NFATC2IP: variants seen among roughly 807,000 people sequenced by gnomAD.
NFATC2IP encodes the protein NFATC2-interacting protein.
In NFATC2IP, 25 loss-of-function variants were observed where a neutral mutation model predicts 40.2. The observed-to-expected ratio is 0.62, with a 90% CI of 0.45 to 0.87. The LOEUF (loss-of-function observed/expected upper bound fraction) is 0.87. NFATC2IP is among the 40% of genes least tolerant of loss of function. The pLI, the probability that NFATC2IP is intolerant of heterozygous loss-of-function variation, is 0.00. For synonymous variants in NFATC2IP, 241 were observed against 236.3 expected (o/e 1.02, Z -0.18); for missense variants, 553 against 555.6 (o/e 1.00, Z 0.05).
rs777454104 is a variant in NFATC2IP at position 28,952,133 on chromosome 16, T to A, written c.389T>A (p.Val130Asp). 1 of 1,613,934 alleles carries A rather than the reference T, an allele frequency of 6.2e-7. No homozygotes were observed. The highest frequency in any genetic ancestry group is 8.5e-7 in the Non-Finnish European group (1 of 1,179,906). ...APLVPVYSGK[V>D]KSSLRLIPDD... ...CCTCTCCCTTCTTTGTCTTTGCAGGTTAAAAGCAGCCTTCGCCTTATCCCA... is the reference window on the plus strand; with the variant it reads ...CCTCTCCCTTCTTTGTCTTTGCAGGATAAAAGCAGCCTTCGCCTTATCCCA... The change falls in exon 2 of 8, where the codon GTT (valine) becomes GAT (aspartate). Residue 130 changes from valine to aspartate, a missense_variant and splice_region_variant. By Grantham distance (152) the Val-to-Asp change is radical. Transcript: ENST00000320805.
rs766660303 is a variant in NFATC2IP at position 28,956,030 on chromosome 16, A to G, written c.631A>G (p.Thr211Ala). 15 of 1,614,058 alleles carry G rather than the reference A, an allele frequency of 9.3e-6. 1 individual carries two copies. In the South Asian group the frequency reaches 1.6e-4, roughly 18 times the overall value. ...ACCTTCACCAAGGACCAAAAGCAGA[A>G]CGCATACTCGGGCACTCAAGAAGTT... ...SPPSPRTKSRTHTRALKKLSE... is the reference protein window; with the variant it reads ...SPPSPRTKSRAHTRALKKLSE... Residue 211 changes from threonine (T) to alanine (A), a missense_variant, in exon 4 of 8, where the codon ACG (threonine) becomes GCG (alanine). Transcript: ENST00000320805.
chr16:28,965,455 G>A lies in NFATC2IP; in HGVS notation c.*1592G>A, dbSNP rs977105939. 6.6e-6 allele frequency: 1 copy of A among 152,132 alleles called. No homozygotes were observed. The highest frequency in any genetic ancestry group is 1.5e-5 in the Non-Finnish European group (1 of 68,060). The allele number at this position is 152,132 out of a possible 1,614,324, so 9.4% of individuals were successfully genotyped here. A position where few individuals can be genotyped will look rare whatever the true frequency, so the allele number is the denominator to read the frequency against. Reference sequence around the variant, plus strand: ...AAAAAAATTAAAAAGGGGGCTTTGGGAGGCCAAGGCGGGCAGATCATGAGG... The same window carrying A: ...AAAAAAATTAAAAAGGGGGCTTTGGAAGGCCAAGGCGGGCAGATCATGAGG... On this transcript the variant is annotated 3_prime_UTR_variant, in exon 8 of 8. Coordinates refer to ENST00000320805, the MANE Select transcript of NFATC2IP (RefSeq NM_032815.4).
chr16:28,955,391 A>G (rs1194989907), intron 3 of NFATC2IP, among the ~76,000 whole-genome samples: 1 of 152,158 alleles, frequency 6.6e-6, no homozygotes, highest in Non-Finnish European at 1.5e-5. Flanking sequence ...AGCCTGGGCA[A>G]CACTGGACAT....
At chr16:28,958,122 A>G (rs1945921226) in intron 5 of NFATC2IP, among the ~76,000 whole-genome samples, 1 of 150,662 alleles carries the variant, frequency 6.6e-6, no homozygotes, top group African/African-American at 2.5e-5. Flanking sequence ...AGAAAGAAAA[A>G]AAAAAGGTCC....
Position 28,950,974 on chromosome 16 carries a change from G to T in NFATC2IP, c.-38G>T, listed in dbSNP as rs1261570456. The T allele has an allele frequency of 2.8e-6, 4 of 1,449,166 alleles. No individual in the cohort carries two copies. 89.8% of individuals were successfully genotyped at this position (1,449,166 alleles called of 1,614,324 possible). On this transcript the variant is annotated 5_prime_UTR_variant, in exon 1 of 8. Transcript: ENST00000320805. ...GTCGCTGAAGGGGGCGGGGCGAGGC[G>T]AGAGGAGGCGGGCGTGTGTTGTGGA... is the stretch of plus-strand genomic sequence containing the variant.
chr16:28,963,579 TG>T, intron 7 of NFATC2IP, 125 bp from the exon 8 acceptor site: 1 of 769,898 alleles, frequency 1.3e-6, no homozygotes, highest in Non-Finnish European at 2.1e-6. Flanking sequence ...TTTCCCCGCA[TG>T]GGGCCCTGAC....
At chr16:28,951,476 G>A (rs1746061861) in intron 1 of NFATC2IP, 78 bp downstream of exon 1, 2 of 1,331,192 alleles carry the variant, frequency 1.5e-6, no homozygotes, top group Admixed American at 3.6e-5. Context: ...GTTCGGGGAG[G>A]GTAGGGCTAT....
chr16:28,952,362 C>G, intron 2 of NFATC2IP, 158 bp downstream of exon 2: 2 of 1,164,560 alleles, frequency 1.7e-6, no homozygotes, highest in Non-Finnish European at 2.4e-6. Flanking sequence ...GGATTGTTAA[C>G]AAGCATAGAA....
intron 4 of NFATC2IP, 45 bp downstream of exon 4, chr16:28,956,103 G>T (rs368445329): frequency 6.2e-7 from 1 of 1,613,008 alleles, no homozygotes; most frequent in Non-Finnish European, 8.5e-7. Flanking sequence ...AGGGCAATCC[G>T]GGAGGGTGGC....
At chr16:28,960,203 C>T (rs1965070402) in intron 7 of NFATC2IP, among the ~76,000 whole-genome samples, 1 of 152,162 alleles carries the variant, frequency 6.6e-6, no homozygotes, top group Admixed American at 6.5e-5. Flanking sequence ...AGCACAACCT[C>T]ATCTCAACTT....
At position 28,962,960 on chromosome 16, in the gene NFATC2IP, G is replaced by A. The variant is rs545753338; in HGVS notation, c.1102-745G>A. Among the ~76,000 whole-genome samples, 6 of 152,328 alleles carry A rather than the reference G, an allele frequency of 3.9e-5. No homozygotes were observed. The East Asian group carries it at 1.2e-3, about 29-fold the overall frequency. ...GCACTTTGGGAGGCCAAAGTGGGTG[G>A]CTTATCTGAACTCAGGAAGTTTGAG... On this transcript the variant is annotated intron_variant, in intron 7 of 7. Coordinates refer to ENST00000320805, the MANE Select transcript of NFATC2IP (RefSeq NM_032815.4).
Position 28,959,136 on chromosome 16 carries a change from CT to C in NFATC2IP, c.1101+37del, listed in dbSNP as rs781156971. On this transcript the variant is annotated intron_variant, in intron 7 of 7. Transcript: ENST00000320805. ...GAGATGGCTCTCCACGCCCCTCACC[CT>C]GTCCTCTGCTGCCTCTTGTCTCTCT... The C allele has an allele frequency of 4.0e-6, 5 of 1,243,542 alleles. No homozygotes were observed. In the East Asian group the frequency reaches 1.2e-4, roughly 29 times the overall value. 77.0% of individuals were successfully genotyped at this position (1,243,542 alleles called of 1,614,324 possible). A position where few individuals can be genotyped will look rare whatever the true frequency, so the allele number is the denominator to read the frequency against.
rs1209081107 is a variant in NFATC2IP at position 28,958,733 on chromosome 16, G to C, written c.863G>C (p.Ser288Thr). ...CATCCCTAGTCGGAGCCCCTGCAGA[G>C]TGTGGTGGACCACATGGCCACCCAC... ...LPLRMSEPLQSVVDHMATHLG... is the reference protein window; with the variant it reads ...LPLRMSEPLQTVVDHMATHLG... The change falls in exon 6 of 8, where the codon AGT becomes ACT. Residue 288 changes from serine to threonine, a missense_variant. Coordinates refer to ENST00000320805, the MANE Select transcript of NFATC2IP (RefSeq NM_032815.4). 1 of 1,613,282 alleles carries C rather than the reference G, an allele frequency of 6.2e-7. No homozygotes were observed. The highest frequency in any genetic ancestry group is 2.2e-5 in the East Asian group (1 of 44,872).
At chr16:28,951,738 A>G (rs1436594589) in intron 1 of NFATC2IP, among the ~76,000 whole-genome samples, 1 of 151,916 alleles carries the variant, frequency 6.6e-6, no homozygotes, top group African/African-American at 2.4e-5. Flanking sequence ...TCCATGGCAA[A>G]TGAAGCCAGG....
chr16:28,951,016 C>G lies in NFATC2IP; in HGVS notation c.5C>G (p.Ala2Gly), dbSNP rs1320212510. 1 of 1,512,272 alleles carries G rather than the reference C, an allele frequency of 6.6e-7. No homozygotes were observed. The highest frequency in any genetic ancestry group is 8.8e-7 in the Non-Finnish European group (1 of 1,134,546). The allele number at this position is 1,512,272 out of a possible 1,614,324, so 93.7% of individuals were successfully genotyped here. The change falls in exon 1 of 8, where the codon GCG (alanine) becomes GGG (glycine). Residue 2 changes from alanine (A) to glycine (G), a missense_variant. By Grantham distance (60) the Ala-to-Gly change is moderately conservative (BLOSUM62 0). Transcript: ENST00000320805. Reference sequence around the variant, plus strand: ...TGTTGTGGAGGAAAGTGTGCCATGGCGGAGCCTGTGGGGAAGCGGGGCCGC... The same window carrying G: ...TGTTGTGGAGGAAAGTGTGCCATGGGGGAGCCTGTGGGGAAGCGGGGCCGC... M[A>G]EPVGKRGRWS...
In NFATC2IP at chr16:28,965,222, C is replaced by T. The variant is rs763016514; in HGVS notation, c.*1359C>T. ...CCTTCCTGTGCATTGCCCATTTTCT[C>T]ATGGAGTTTCTTATCTTTTTTGGTT... On this transcript the variant is annotated 3_prime_UTR_variant, in exon 8 of 8. Transcript: ENST00000320805. The T allele has an allele frequency of 1.2e-4, 18 of 152,126 alleles. No individual in the cohort carries two copies. The highest frequency in any genetic ancestry group is 2.2e-4 in the Non-Finnish European group (15 of 68,028). 9.4% of individuals were successfully genotyped at this position (152,126 alleles called of 1,614,324 possible).
At chr16:28,953,784 G>C (rs1184714170) in intron 2 of NFATC2IP, among the ~76,000 whole-genome samples, 1 of 152,022 alleles carries the variant, frequency 6.6e-6, no homozygotes, top group Non-Finnish European at 1.5e-5. Flanking sequence ...CAGGCATGGT[G>C]ATGTGTACTT....
chr16:28,963,669 A>G, intron 7 of NFATC2IP, 36 bp from the exon 8 acceptor site: 1 of 1,604,330 alleles, frequency 6.2e-7, no homozygotes, highest in African/African-American at 1.3e-5. Context: ...GCCCCCTTTC[A>G]TGTTCTGACG....
In NFATC2IP at chr16:28,959,005, A is replaced by G. The variant is rs145193964; in HGVS notation, c.1006A>G (p.Thr336Ala). The change falls in exon 7 of 8, where the codon ACA becomes GCA. Residue 336 changes from threonine (T) to alanine (A), a missense_variant. Coordinates refer to ENST00000320805, the MANE Select transcript of NFATC2IP (RefSeq NM_032815.4). ...GCCTCCCACAGACTGTGTGGTACTA[A>G]CAAGTTCTCCAGAGGCCACAGAGAC... is the stretch of plus-strand genomic sequence containing the variant. The part of the protein sequence containing the change: ...VADIIDCVVL[T>A]SSPEATETSQ... 7.0e-5 allele frequency: 113 copies of G among 1,613,822 alleles called. No homozygotes were observed. The highest frequency in any genetic ancestry group is 3.3e-4 in the Middle Eastern group (2 of 6,062).
Sources: allele counts gnomAD v4.1 joint callset (sites outside exome capture counted in the v4.1 genomes callset), GRCh38; gene constraint gnomAD v4.1.1; transcripts MANE v1.5; gene names NCBI Gene and HGNC (gene_info 2026-07-23, HGNC 2026-07-21).